The following FBXL17 variants were observed in gnomAD, a reference collection of about 807,000 sequenced individuals.
The protein encoded by FBXL17 is F-box/LRR-repeat protein 17.
In FBXL17, 22 loss-of-function variants were observed where a neutral mutation model predicts 66.2. The ratio of observed to expected loss-of-function variants is 0.33; its 90% CI spans 0.24 to 0.47. The LOEUF is 0.47. Among genes scored for constraint, FBXL17 ranks in the 20% least tolerant of loss-of-function variants. The probability of loss-of-function intolerance (pLI) is 1.00; values close to 1 mark genes in which losing one functional copy is unlikely to be tolerated. For missense variants in FBXL17, 878 were observed against 948.2 expected, an observed-to-expected ratio of 0.93 and a Z score of 0.97; for synonymous variants, 474 against 400.5, an observed-to-expected ratio of 1.18 and a Z score of -2.19.
chr5:108,072,492 A>G (rs1307403008), intron 6 of FBXL17, among the ~76,000 whole-genome samples: 2 of 152,218 alleles, frequency 1.3e-5, no homozygotes, highest in African/African-American at 4.8e-5. Flanking sequence ...TCACAAAGCC[A>G]GGAGATTGGG....
chr5:108,228,005 C>T (rs1160009527), intron 4 of FBXL17, among the ~76,000 whole-genome samples: 1 of 152,162 alleles, frequency 6.6e-6, no homozygotes, highest in Non-Finnish European at 1.5e-5. Context: ...GAGAAGAACT[C>T]AGATGAGGAT....
intron 6 of FBXL17, among the ~76,000 whole-genome samples, chr5:108,137,854 T>A (rs1019155095): frequency 6.6e-6 from 1 of 152,196 alleles, no homozygotes; most frequent in Non-Finnish European, 1.5e-5. Flanking sequence ...CAGTACGAAC[T>A]GGATGAGTTG....
At chr5:108,164,846 T>C (rs1405010872) in intron 6 of FBXL17, among the ~76,000 whole-genome samples, 1 of 152,234 alleles carries the variant, frequency 6.6e-6, no homozygotes, top group Non-Finnish European at 1.5e-5. Context: ...CCAGAGCTGA[T>C]GCTCGTATCT....
At chr5:108,365,397 T>C (rs912993444) in intron 2 of FBXL17, among the ~76,000 whole-genome samples, 5 of 152,052 alleles carry the variant, frequency 3.3e-5, no homozygotes, top group African/African-American at 1.2e-4. Flanking sequence ...CTTTCAACAC[T>C]ACTTACAGGA....
intron 7 of FBXL17, among the ~76,000 whole-genome samples, chr5:107,891,784 A>C (rs1749205334): frequency 6.6e-6 from 1 of 152,182 alleles, no homozygotes; most frequent in South Asian, 2.1e-4. Flanking sequence ...TACTGCATAT[A>C]AACTCCACTG....
intron 4 of FBXL17, among the ~76,000 whole-genome samples, chr5:108,297,348 T>C (rs926405482): frequency 6.6e-6 from 1 of 151,736 alleles, no homozygotes. Flanking sequence ...AATTATGTAA[T>C]ATATAGAACC....
At chr5:108,160,581 T>C (rs1752173659) in intron 6 of FBXL17, among the ~76,000 whole-genome samples, 1 of 152,160 alleles carries the variant, frequency 6.6e-6, no homozygotes, top group Non-Finnish European at 1.5e-5. Context: ...CTATGTTTAG[T>C]TGAATATCTG....
intron 5 of FBXL17, among the ~76,000 whole-genome samples, chr5:108,187,279 T>C (rs764792167): frequency 6.6e-6 from 1 of 152,216 alleles, no homozygotes; most frequent in African/African-American, 2.4e-5. Flanking sequence ...TATTTTTGCT[T>C]AATAATATGC....
chr5:107,896,809 T>C (rs1243603279), intron 7 of FBXL17, among the ~76,000 whole-genome samples: 1 of 151,986 alleles, frequency 6.6e-6, no homozygotes, highest in African/African-American at 2.4e-5. Flanking sequence ...AAAAGAGAAT[T>C]TGTGAAGCTG....
chr5:107,927,053 C>T (rs1002161393), intron 7 of FBXL17, among the ~76,000 whole-genome samples: 4 of 151,932 alleles, frequency 2.6e-5, no homozygotes, highest in African/African-American at 9.6e-5. Context: ...AAACTTAAAG[C>T]TATATACAGA....
At chr5:108,185,683 T>A (rs1753200428) in intron 6 of FBXL17, among the ~76,000 whole-genome samples, 1 of 151,930 alleles carries the variant, frequency 6.6e-6, no homozygotes, top group Non-Finnish European at 1.5e-5. Flanking sequence ...TGAGACTCCA[T>A]CTCTGAAAAA....
At chr5:108,257,567 T>C (rs934862552) in intron 4 of FBXL17, among the ~76,000 whole-genome samples, 2 of 152,094 alleles carry the variant, frequency 1.3e-5, no homozygotes, top group Non-Finnish European at 2.9e-5. Flanking sequence ...ATTTATCAGG[T>C]GCTATCTCAT....
At chr5:108,368,459 C>G (rs1748816975) in intron 1 of FBXL17, among the ~76,000 whole-genome samples, 1 of 151,970 alleles carries the variant, frequency 6.6e-6, no homozygotes, top group African/African-American at 2.4e-5. Context: ...GGTATCTTTT[C>G]CAAAATATTC....
intron 6 of FBXL17, among the ~76,000 whole-genome samples, chr5:108,067,541 G>C (rs1471578489): frequency 6.6e-6 from 1 of 152,080 alleles, no homozygotes; most frequent in African/African-American, 2.4e-5. Flanking sequence ...TAGATTGTGC[G>C]GGCTATTTCT....
intron 4 of FBXL17, among the ~76,000 whole-genome samples, chr5:108,316,018 A>G (rs1053886598): frequency 6.6e-6 from 1 of 151,522 alleles, no homozygotes; most frequent in Non-Finnish European, 1.5e-5. Context: ...TGATGAGGCT[A>G]TCTCCTGACA....
At chr5:108,068,530 A>G (rs892672891) in intron 6 of FBXL17, among the ~76,000 whole-genome samples, 2 of 151,566 alleles carry the variant, frequency 1.3e-5, no homozygotes, top group South Asian at 2.1e-4. Flanking sequence ...ATCTCGGCTC[A>G]CTGCAACCTC....
intron 7 of FBXL17, among the ~76,000 whole-genome samples, chr5:108,016,751 A>G (rs538446230): frequency 6.6e-6 from 1 of 151,398 alleles, no homozygotes; most frequent in African/African-American, 2.4e-5. Context: ...TTCCTGAAGG[A>G]AGTAAATTAT....
intron 6 of FBXL17, among the ~76,000 whole-genome samples, chr5:108,077,091 C>A (rs999708429): frequency 6.6e-6 from 1 of 152,036 alleles, no homozygotes. Context: ...AGGAATTCAC[C>A]CAATTCATAC....
At chr5:108,184,719 G>A (rs1291666524) in intron 6 of FBXL17, among the ~76,000 whole-genome samples, 1 of 124,130 alleles carries the variant, frequency 8.1e-6, no homozygotes, top group East Asian at 2.4e-4. Context: ...CTGCACTCCA[G>A]CCCGGGTGCC....
Sources: gnomAD v4.1 joint callset for allele counts (sites outside exome capture counted in the v4.1 genomes callset) on GRCh38, gnomAD v4.1.1 for gene constraint, MANE v1.5 for transcripts, NCBI Gene and HGNC (gene_info 2026-07-23, HGNC 2026-07-21) for gene names.